Variants in SNTG2 observed in about 807,000 individuals in gnomAD.
The protein encoded by SNTG2 is gamma-2-syntrophin.
SNTG2 carries 74 observed loss-of-function variants against 70.9 expected under a neutral mutation model. The observed-to-expected ratio is 1.04, with a 90% CI of 0.86 to 1.27. SNTG2 has a LOEUF of 1.27. SNTG2 is among the 50% of genes most tolerant of loss of function. SNTG2 has a pLI of 0.00. For missense variants in SNTG2, 717 were observed against 690.7 expected, an observed-to-expected ratio of 1.04 and a Z score of -0.43; for synonymous variants, 278 against 273.8, an observed-to-expected ratio of 1.02 and a Z score of -0.15.
intron 1 of SNTG2, among the ~76,000 whole-genome samples, chr2:1,016,825 T>G (rs1659909676): frequency 6.6e-6 from 1 of 152,212 alleles, no homozygotes; most frequent in Non-Finnish European, 1.5e-5. Flanking sequence ...TTAGGCTCTG[T>G]GTGTTGAAAG....
chr2:1,183,099 T>G (rs936109519), intron 8 of SNTG2, among the ~76,000 whole-genome samples: 1 of 152,194 alleles, frequency 6.6e-6, no homozygotes, highest in Non-Finnish European at 1.5e-5. Flanking sequence ...GTTTTGCCTG[T>G]TTTTGAATTT....
intron 9 of SNTG2, among the ~76,000 whole-genome samples, chr2:1,217,851 C>A (rs972782307): frequency 6.6e-6 from 1 of 152,146 alleles, no homozygotes; most frequent in African/African-American, 2.4e-5. Context: ...TGTAACAAAC[C>A]TGTGCAAACT....
At chr2:1,053,382 A>G (rs1446326160) in intron 1 of SNTG2, among the ~76,000 whole-genome samples, 1 of 152,166 alleles carries the variant, frequency 6.6e-6, no homozygotes, top group Non-Finnish European at 1.5e-5. Flanking sequence ...CTTTAATAAC[A>G]TATAATTTTG....
chr2:999,461 G>A (rs1238870787), intron 1 of SNTG2, among the ~76,000 whole-genome samples: 1 of 151,986 alleles, frequency 6.6e-6, no homozygotes, highest in Non-Finnish European at 1.5e-5. Flanking sequence ...AATATTCCAT[G>A]CAAAGGACAC....
At chr2:1,230,309 G>A (rs533960812) in intron 9 of SNTG2, among the ~76,000 whole-genome samples, 1 of 152,328 alleles carries the variant, frequency 6.6e-6, no homozygotes, top group Non-Finnish European at 1.5e-5. Flanking sequence ...AGATGGCGCG[G>A]GCAGCCAGGA....
At chr2:1,337,232 G>A (rs908399703) in intron 16 of SNTG2, among the ~76,000 whole-genome samples, 1 of 152,114 alleles carries the variant, frequency 6.6e-6, no homozygotes, top group African/African-American at 2.4e-5. Flanking sequence ...GGATCATGTG[G>A]TAATTCTATT....
chr2:1,227,867 C>A (rs1352228228), intron 9 of SNTG2, among the ~76,000 whole-genome samples: 5 of 152,226 alleles, frequency 3.3e-5, no homozygotes, highest in Non-Finnish European at 7.3e-5. Flanking sequence ...GGGCACTTTG[C>A]TGCATTCTGT....
intron 1 of SNTG2, among the ~76,000 whole-genome samples, chr2:1,008,637 C>T (rs1377461509): frequency 1.3e-5 from 2 of 151,970 alleles, no homozygotes; most frequent in African/African-American, 2.4e-5. Flanking sequence ...CCTGTAATGT[C>T]GTAGAACTAA....
chr2:1,220,454 GT>G (rs994392363), intron 9 of SNTG2, among the ~76,000 whole-genome samples: 10 of 152,302 alleles, frequency 6.6e-5, no homozygotes, highest in African/African-American at 2.4e-4. Context: ...CATGTCGTGT[GT>G]CCCCTGCTGC....
intron 12 of SNTG2, among the ~76,000 whole-genome samples, chr2:1,257,757 C>G (rs1273077423): frequency 6.6e-6 from 1 of 152,194 alleles, no homozygotes; most frequent in Non-Finnish European, 1.5e-5. Flanking sequence ...AAAGATAAAG[C>G]TTACAAAAAC....
At chr2:1,217,412 G>A (rs934586986) in intron 9 of SNTG2, among the ~76,000 whole-genome samples, 1 of 152,172 alleles carries the variant, frequency 6.6e-6, no homozygotes, top group Non-Finnish European at 1.5e-5. Context: ...TACGAGAAAA[G>A]ATTGTTCACT....
chr2:1,216,786 T>C (rs1263875441), intron 9 of SNTG2, among the ~76,000 whole-genome samples: 1 of 152,224 alleles, frequency 6.6e-6, no homozygotes, highest in African/African-American at 2.4e-5. Flanking sequence ...GTAATCTTCA[T>C]GATCCCACGT....
chr2:1,219,579 T>C (rs1443865328), intron 9 of SNTG2, among the ~76,000 whole-genome samples: 1 of 152,164 alleles, frequency 6.6e-6, no homozygotes, highest in Non-Finnish European at 1.5e-5. Context: ...TTTTTATTTA[T>C]CTGCTCACAG....
intron 1 of SNTG2, among the ~76,000 whole-genome samples, chr2:1,020,502 C>T (rs1660103382): frequency 6.6e-6 from 1 of 152,158 alleles, no homozygotes; most frequent in Non-Finnish European, 1.5e-5. Context: ...CTGCACTGTC[C>T]GAATGGGATC....
At chr2:1,003,065 C>T (rs956620118) in intron 1 of SNTG2, among the ~76,000 whole-genome samples, 9 of 151,942 alleles carry the variant, frequency 5.9e-5, no homozygotes, top group African/African-American at 1.9e-4. Flanking sequence ...GTACACACAA[C>T]CATAGTAGAA....
At chr2:1,364,309 G>A (rs983150983) in intron 16 of SNTG2, among the ~76,000 whole-genome samples, 1 of 151,608 alleles carries the variant, frequency 6.6e-6, no homozygotes, top group African/African-American at 2.4e-5. Flanking sequence ...AGATTATGCA[G>A]TGTAACTTCA....
intron 8 of SNTG2, among the ~76,000 whole-genome samples, chr2:1,178,365 A>G (rs1214074699): frequency 6.6e-6 from 1 of 152,176 alleles, no homozygotes; most frequent in Non-Finnish European, 1.5e-5. Context: ...GAGAGAGGAC[A>G]TCTCTGTCTT....
At chr2:1,150,517 C>T (rs1429571204) in intron 6 of SNTG2, among the ~76,000 whole-genome samples, 1 of 152,044 alleles carries the variant, frequency 6.6e-6, no homozygotes, top group Non-Finnish European at 1.5e-5. Context: ...TTGGTGTGCG[C>T]CTCCTGATGT....
intron 15 of SNTG2, among the ~76,000 whole-genome samples, chr2:1,310,630 G>A (rs926763231): frequency 2.6e-5 from 4 of 152,092 alleles, no homozygotes; most frequent in African/African-American, 7.2e-5. Context: ...TTTCCCCGGT[G>A]AGTTTCCTTT....
Sources: gnomAD v4.1 joint callset for allele counts (sites outside exome capture counted in the v4.1 genomes callset) on GRCh38, gnomAD v4.1.1 for gene constraint, MANE v1.5 for transcripts, NCBI Gene and HGNC (gene_info 2026-07-23, HGNC 2026-07-21) for gene names.